The following CHAT variants were observed in gnomAD, a reference collection of about 807,000 sequenced individuals.
The protein encoded by CHAT is choline O-acetyltransferase, also known as acetyl CoA:choline O-acetyltransferase.
In CHAT, 61 loss-of-function variants were observed where a neutral mutation model predicts 76.9. The ratio of observed to expected loss-of-function variants is 0.79; its 90% CI spans 0.65 to 0.98. The LOEUF (loss-of-function observed/expected upper bound fraction) is 0.98, where lower values mean the gene tolerates loss of function less well. Among genes scored for constraint, CHAT ranks in the 50% least tolerant of loss-of-function variants. The pLI is 0.00. For missense variants in CHAT, 946 were observed against 986.9 expected (o/e 0.96, Z 0.56); for synonymous variants, 407 against 397.4 (o/e 1.02, Z -0.29).
chr10:49,612,339 G>A, upstream of CHAT: 1 of 1,580,668 alleles, frequency 6.3e-7, no homozygotes, highest in Non-Finnish European at 8.6e-7. Flanking sequence ...CCCGCAGCTA[G>A]CATCCCCACT....
In CHAT at chr10:49,632,305, A is replaced by G. The variant is rs532191998; in HGVS notation, c.1111+4520A>G. The stretch of plus-strand genomic sequence containing the variant: ...AGGACTGCATGCGCGTAGAGGACAC[A>G]TGGCCTGGGGAGTGGGGTGATGGGG... On this transcript the variant is annotated intron_variant, in intron 7 of 14. Transcript: ENST00000337653. Among the ~76,000 whole-genome samples the G allele has an allele frequency of 3.9e-4, 59 of 152,292 alleles. 1 individual carries two copies. The highest frequency in any genetic ancestry group is 2.9e-3 in the South Asian group (14 of 4,828).
At chr10:49,650,345 A>G (rs10745264) in intron 10 of CHAT, among the ~76,000 whole-genome samples, 143,293 of 152,228 alleles carry the variant, frequency 0.94, 68,080 homozygotes, top group East Asian at 1. Flanking sequence ...AGGCCAAAAC[A>G]TGTGATACAG....
At chr10:49,662,509 T>G (rs921024024) in intron 13 of CHAT, 136 bp from the exon 14 acceptor site, 2 of 1,136,610 alleles carry the variant, frequency 1.8e-6, no homozygotes, top group African/African-American at 3.0e-5. Context: ...TCATACACAT[T>G]GTTGGCAGCA....
In CHAT at chr10:49,625,610, T is replaced by C. The variant is rs1373162548; in HGVS notation, c.890T>C (p.Ile297Thr). The C allele has an allele frequency of 2.5e-5, 40 of 1,599,130 alleles. No homozygotes were observed. Among genetic ancestry groups the C allele is most frequent in the Non-Finnish European group, 3.3e-5 (39 of 1,172,372 alleles). Residue 297 changes from isoleucine (I) to threonine (T), a missense_variant, in exon 6 of 15, where the codon ATC (isoleucine) becomes ACC (threonine). Ile to Thr is a moderately conservative substitution (Grantham distance 89). This residue lies in a region of CHAT where 548 missense variants were observed against 516.2 expected (regional missense o/e 1.06). Transcript: ENST00000337653. The stretch of plus-strand genomic sequence containing the variant: ...ACGCTGGTGGCTCAGAACAGCAGCA[T>C]CATGCCGGAGCCTGAGCACGTCATC... ...QDTLVAQNSS[I>T]MPEPEHVIVA...
intron 1 of CHAT, among the ~76,000 whole-genome samples, chr10:49,615,606 AG>A (rs1838461497): frequency 6.6e-6 from 1 of 152,200 alleles, no homozygotes; most frequent in African/African-American, 2.4e-5. Context: ...TTGAGAGAAT[AG>A]AGGGTGGGCT....
At chr10:49,616,744 A>G in intron 2 of CHAT, 142 bp downstream of exon 2, 1 of 706,708 alleles carries the variant, frequency 1.4e-6, no homozygotes, top group Non-Finnish European at 2.6e-6. Flanking sequence ...CCCAGGCTAC[A>G]GCTCCACCCC....
Position 49,619,725 on chromosome 10 carries a change from G to T in CHAT, c.388G>T (p.Gly130Trp), listed in dbSNP as rs781596921. The T allele has an allele frequency of 6.2e-7, 1 of 1,610,470 alleles. No homozygotes were observed. Among genetic ancestry groups the T allele is most frequent in the Non-Finnish European group, 8.5e-7 (1 of 1,179,924 alleles). ...AAKTPSSEESGLPKLPVPPLQ... is the reference protein window; with the variant it reads ...AAKTPSSEESWLPKLPVPPLQ... ...AATGCCTATGAACCCTTTCTTCCAGGGGCTGCCCAAACTGCCCGTGCCCCC... is the reference window on the plus strand; with the variant it reads ...AATGCCTATGAACCCTTTCTTCCAGTGGCTGCCCAAACTGCCCGTGCCCCC... Residue 130 changes from glycine (G) to tryptophan (W), a missense_variant and splice_region_variant, in exon 3 of 15, where the codon GGG becomes TGG. Coordinates refer to ENST00000337653, the MANE Select transcript of CHAT (RefSeq NM_020549.5).
In CHAT at chr10:49,667,104, G is replaced by T. The variant is rs1840355671; in HGVS notation, c.*2058G>T. On this transcript the variant is annotated 3_prime_UTR_variant, in exon 15 of 15. Transcript: ENST00000337653. ...CTTGCAAGACTATGAGGATTGGAGA[G>T]CATGTGTGTCAAGGACCTTGCTGGG... Among the ~76,000 whole-genome samples the T allele has an allele frequency of 6.6e-6, 1 of 152,210 alleles. No homozygotes were observed. Among genetic ancestry groups the T allele is most frequent in the Non-Finnish European group, 1.5e-5 (1 of 68,042 alleles).
At chr10:49,629,421 G>C (rs571797064) in intron 7 of CHAT, among the ~76,000 whole-genome samples, 1 of 152,336 alleles carries the variant, frequency 6.6e-6, no homozygotes, top group East Asian at 1.9e-4. Context: ...ACCTAACCTC[G>C]TGCTGGAGAA....
At chr10:49,614,517 G>A in intron 1 of CHAT, 42 bp downstream of exon 1, 1 of 1,521,060 alleles carries the variant, frequency 6.6e-7, no homozygotes. Flanking sequence ...GCGCGGTGCC[G>A]GGAGCAAGGG....
At chr10:49,645,162 AG>A (rs1839616182) in intron 7 of CHAT, among the ~76,000 whole-genome samples, 1 of 152,208 alleles carries the variant, frequency 6.6e-6, no homozygotes, top group Non-Finnish European at 1.5e-5. Flanking sequence ...GCTAAAAACC[AG>A]GGGTTCTACA....
Position 49,649,491 on chromosome 10 carries a change from T to C in CHAT, c.1383-17T>C, listed in dbSNP as rs938589684. The C allele has an allele frequency of 1.1e-5, 17 of 1,613,744 alleles. No individual in the cohort carries two copies. The East Asian group carries it at 3.8e-4, about 36-fold the overall frequency. On this transcript the variant is annotated splice_polypyrimidine_tract_variant and intron_variant, in intron 9 of 14. Coordinates refer to ENST00000337653, the MANE Select transcript of CHAT (RefSeq NM_020549.5). ...GTCTGGCCGCAGAGCCTCAGGAGGT[T>C]GCCTCTGTGCCCGCAGGACGCAGAG...
chr10:49,629,592 C>G (rs1839043959), intron 7 of CHAT, among the ~76,000 whole-genome samples: 1 of 152,236 alleles, frequency 6.6e-6, no homozygotes. Context: ...CCAAGACACG[C>G]CCTTCAGGGC....
chr10:49,664,315 G>A (rs1590630238), intron 14 of CHAT, among the ~76,000 whole-genome samples: 1 of 152,300 alleles, frequency 6.6e-6, no homozygotes, highest in East Asian at 1.9e-4. Context: ...AGAGAAGCCA[G>A]GCAATACTGA....
At chr10:49,610,639 C>G, upstream of CHAT, 1 of 1,242,032 alleles carries the variant, frequency 8.1e-7, no homozygotes, top group African/African-American at 1.6e-5. Context: ...TCTGCTCGGC[C>G]AGGACAGCCT....
chr10:49,664,848 C>G lies in CHAT; in HGVS notation c.2049C>G (p.Asn683Lys). ...CAAATGGGTATGGTGCCTGCTACAA[C>G]CCCCAGCCAGAGACCATCCTTTTCT... ...VVPNGYGACY[N>K]PQPETILFCI... is the part of the protein sequence containing the mutation. The change falls in exon 15 of 15, where the codon AAC (asparagine) becomes AAG (lysine). Residue 683 changes from asparagine to lysine, a missense_variant. Asn to Lys is a moderately conservative substitution (Grantham distance 94). Transcript: ENST00000337653. The G allele has an allele frequency of 6.2e-7, 1 of 1,614,184 alleles. No individual in the cohort carries two copies. Among genetic ancestry groups the G allele is most frequent in the Non-Finnish European group, 8.5e-7 (1 of 1,180,020 alleles).
intron 10 of CHAT, 112 bp from the exon 11 acceptor site, chr10:49,651,772 G>C (rs946989147): frequency 4.5e-6 from 5 of 1,108,390 alleles, no homozygotes; most frequent in Non-Finnish European, 6.5e-6. Flanking sequence ...GACTACGTCC[G>C]CACCTTCCAG....
At chr10:49,654,962 T>C (rs768393125) in intron 11 of CHAT, 133 bp from the exon 12 acceptor site, 49 of 979,286 alleles carry the variant, frequency 5.0e-5, no homozygotes, top group African/African-American at 1.1e-4. Flanking sequence ...ATTCTATTAA[T>C]ATTAAAATGA....
intron 7 of CHAT, among the ~76,000 whole-genome samples, chr10:49,636,086 A>C (rs1386662561): frequency 6.6e-6 from 1 of 152,178 alleles, no homozygotes; most frequent in African/African-American, 2.4e-5. Flanking sequence ...GCAATATAAA[A>C]GATTAACGTA....
Sources: gnomAD v4.1 joint callset for allele counts (sites outside exome capture counted in the v4.1 genomes callset) on GRCh38, gnomAD v4.1.1 for gene constraint, gnomAD v4.1.1 regional missense constraint, MANE v1.5 for transcripts, NCBI Gene and HGNC (gene_info 2026-07-23, HGNC 2026-07-21) for gene names.